The following SYT2 variants were observed in gnomAD, a reference collection of about 807,000 sequenced individuals.
SYT2 encodes synaptotagmin 2.
In SYT2, 15 loss-of-function variants were observed where a neutral mutation model predicts 39.9. The ratio of observed to expected loss-of-function variants is 0.38; its 90% confidence interval spans 0.25 to 0.58. SYT2 has a LOEUF of 0.58. Ranked by LOEUF, SYT2 falls within the 20% of genes least tolerant of loss-of-function variation. The pLI, the probability that SYT2 is intolerant of heterozygous loss-of-function variation, is 0.70. For synonymous variants in SYT2, 181 were observed against 204.5 expected (o/e 0.89, Z 0.98); for missense variants, 389 against 530.3 (o/e 0.73, Z 2.62).
At chr1:202,627,991 G>A (rs1481513927) in intron 1 of SYT2, among the ~76,000 whole-genome samples, 10 of 152,112 alleles carry the variant, frequency 6.6e-5, no homozygotes, top group Admixed American at 6.5e-4. Flanking sequence ...CCCAGCCCAG[G>A]GCTCTTTCCT....
At chr1:202,598,652 T>C (rs1026208433) in intron 8 of SYT2, among the ~76,000 whole-genome samples, 2 of 152,260 alleles carry the variant, frequency 1.3e-5, no homozygotes, top group East Asian at 3.9e-4. Context: ...GGTGGGTCTC[T>C]TGTCCTACCA....
chr1:202,666,211 A>G (rs917616033), intron 1 of SYT2, among the ~76,000 whole-genome samples: 3 of 152,150 alleles, frequency 2.0e-5, no homozygotes, highest in Admixed American at 6.5e-5. Context: ...CTCAGCAGGA[A>G]AAAAAGATTA....
At chr1:202,639,773 G>A in intron 1 of SYT2, 1 of 985,460 alleles carries the variant, frequency 1.0e-6, no homozygotes, top group Non-Finnish European at 1.2e-6. Flanking sequence ...ACTAGAGCAT[G>A]CAAACTCCTG....
intron 1 of SYT2, among the ~76,000 whole-genome samples, chr1:202,653,042 C>T (rs1436127754): frequency 6.6e-6 from 1 of 151,656 alleles, no homozygotes; most frequent in African/African-American, 2.4e-5. Flanking sequence ...AAAGAATGCC[C>T]CTCCCTGATG....
rs1020558440 is a variant in SYT2, at chr1:202,628,423, C to T, written c.-17-22634G>A. Among the ~76,000 whole-genome samples, 2 of 152,110 alleles carry T rather than the reference C, an allele frequency of 1.3e-5. No individual in the cohort carries two copies. Among genetic ancestry groups the T allele is most frequent in the Admixed American group, 6.5e-5 (1 of 15,272 alleles). On this transcript the variant is annotated intron_variant, in intron 1 of 8. Transcript: ENST00000367268. The surrounding 1 kb of genome is among the most constrained non-coding windows in gnomAD (Gnocchi z 4.2). The stretch of plus-strand genomic sequence containing the variant: ...CAGCCAAAGAAGGTGCAGTCTGGTC[C>T]TCCCGTTTCCAAGAGCGCCTCCATC...
chr1:202,648,457 C>T (rs1253729413), intron 1 of SYT2, among the ~76,000 whole-genome samples: 2 of 152,206 alleles, frequency 1.3e-5, no homozygotes, highest in African/African-American at 4.8e-5. Flanking sequence ...GCTGGGATTA[C>T]AGGTGTGAGC....
chr1:202,689,538 C>G (rs528219921), intron 1 of SYT2, among the ~76,000 whole-genome samples: 1 of 152,128 alleles, frequency 6.6e-6, no homozygotes, highest in East Asian at 1.9e-4. Context: ...GGGAGGAGTC[C>G]GGCTCCACAA....
intron 1 of SYT2, among the ~76,000 whole-genome samples, chr1:202,649,713 G>A (rs1009368710): frequency 6.6e-6 from 1 of 152,108 alleles, no homozygotes; most frequent in African/African-American, 2.4e-5. Flanking sequence ...GTAGACACTT[G>A]GATCCTACCT....
rs1690153541 is a variant in SYT2 at position 202,592,401 on chromosome 1, G to A, written c.*4356C>T. 6.6e-6 allele frequency: 1 copy of A among 152,642 alleles called. No homozygotes were observed. Among genetic ancestry groups the A allele is most frequent in the African/African-American group, 2.4e-5 (1 of 41,466 alleles). 9.5% of individuals were successfully genotyped at this position (152,642 alleles called of 1,614,324 possible). ...GGGTTTCCCGATGGGAGGAGGCAGGGGTGGGGCTGGGGAACAAAGACTTTA... is the reference window on the plus strand; with the variant it reads ...GGGTTTCCCGATGGGAGGAGGCAGGAGTGGGGCTGGGGAACAAAGACTTTA... On this transcript the variant is annotated 3_prime_UTR_variant, in exon 9 of 9. Transcript: ENST00000367268.
In SYT2 at chr1:202,599,390, T is replaced by C; in HGVS notation, c.920-39A>G. On this transcript the variant is annotated intron_variant, in intron 7 of 8. Transcript: ENST00000367268. This position sits in a 1 kb window ranked among gnomAD's most constrained non-coding sequence, Gnocchi z 4.4. ...ATCCCAACCCCAGAGAGGTTCCCCT[T>C]AGCCCCCAGCCTTCCTGCCGAATGT... 1 of 1,557,262 alleles carries C rather than the reference T, an allele frequency of 6.4e-7. No individual in the cohort carries two copies. The highest frequency in any genetic ancestry group is 8.6e-7 in the Non-Finnish European group (1 of 1,159,434).
At chr1:202,643,998 A>T (rs75606371) in intron 1 of SYT2, among the ~76,000 whole-genome samples, 2 of 152,116 alleles carry the variant, frequency 1.3e-5, no homozygotes, top group East Asian at 1.9e-4. Context: ...TTCGGGAGAT[A>T]AGGATGAAGG....
At chr1:202,633,809 T>C (rs1342416142) in intron 1 of SYT2, among the ~76,000 whole-genome samples, 1 of 152,210 alleles carries the variant, frequency 6.6e-6, no homozygotes, top group African/African-American at 2.4e-5. Flanking sequence ...GCTTTATGTA[T>C]TGGGGAAATT....
rs750256193 is a variant in SYT2, at chr1:202,614,240, C to T, written c.-17-8451G>A. ...GCAGGCCAGGAATGAAGGGGGAGAA[C>T]TGCATCTCAGGAGTGTTGGAGTCCC... On this transcript the variant is annotated intron_variant, in intron 1 of 8. Transcript: ENST00000367268. This position sits in a 1 kb window ranked among gnomAD's most constrained non-coding sequence, Gnocchi z 4.0. Among the ~76,000 whole-genome samples, 9 of 152,242 alleles carry T rather than the reference C, an allele frequency of 5.9e-5. No individual in the cohort carries two copies. The highest frequency in any genetic ancestry group is 9.6e-5 in the African/African-American group (4 of 41,460).
At position 202,688,466 on chromosome 1, in the gene SYT2, C is replaced by T. The variant is rs113085793; in HGVS notation, c.-18+21792G>A. Among the ~76,000 whole-genome samples, 295 of 152,296 alleles carry T rather than the reference C, an allele frequency of 1.9e-3. 2 individuals carry two copies. Among genetic ancestry groups the T allele is most frequent in the African/African-American group, 6.8e-3 (284 of 41,560 alleles). On this transcript the variant is annotated intron_variant, in intron 1 of 8. Coordinates refer to ENST00000367268, the MANE Select transcript of SYT2 (RefSeq NM_177402.5). Reference sequence around the variant, plus strand: ...CCCTGTTCCCCCTGCAAGGATACTCCGATTCGGTCCCCTGGACAGCAACCA... The same window carrying T: ...CCCTGTTCCCCCTGCAAGGATACTCTGATTCGGTCCCCTGGACAGCAACCA...
chr1:202,598,454 A>G (rs577168014), intron 8 of SYT2, among the ~76,000 whole-genome samples: 44 of 152,298 alleles, frequency 2.9e-4, no homozygotes, highest in African/African-American at 8.7e-4. Flanking sequence ...CAATAACATC[A>G]TACACATCTC....
At chr1:202,699,719 A>G (rs1429174115) in intron 1 of SYT2, among the ~76,000 whole-genome samples, 1 of 152,184 alleles carries the variant, frequency 6.6e-6, no homozygotes, top group Admixed American at 6.5e-5. Flanking sequence ...GGCTTGTTAT[A>G]AAGAAAAAAT....
chr1:202,631,383 G>A (rs972424590), intron 1 of SYT2, among the ~76,000 whole-genome samples: 3 of 152,180 alleles, frequency 2.0e-5, no homozygotes, highest in African/African-American at 7.2e-5. Context: ...AACACAGCTA[G>A]CCTGCATCAG....
At chr1:202,668,447 A>C (rs967355180) in intron 1 of SYT2, among the ~76,000 whole-genome samples, 1 of 152,236 alleles carries the variant, frequency 6.6e-6, no homozygotes, top group Non-Finnish European at 1.5e-5. Context: ...TAGTTTGTTA[A>C]GAGTGAAAAC....
At chr1:202,633,874 G>A (rs1487825877) in intron 1 of SYT2, among the ~76,000 whole-genome samples, 1 of 152,244 alleles carries the variant, frequency 6.6e-6, no homozygotes, top group Non-Finnish European at 1.5e-5. Flanking sequence ...GAGTCAGACA[G>A]CGAAATGCAA....
Sources: allele counts gnomAD v4.1 joint callset (sites outside exome capture counted in the v4.1 genomes callset), GRCh38; gene constraint gnomAD v4.1.1; non-coding constraint Gnocchi (gnomAD v3.1); transcripts MANE v1.5; gene names NCBI Gene and HGNC (gene_info 2026-07-23, HGNC 2026-07-21).